INTS9: variants seen among roughly 807,000 people sequenced by gnomAD.
INTS9 encodes the protein integrator complex subunit 9.
In INTS9, 55 loss-of-function variants were observed where a neutral mutation model predicts 79.7. That is an observed-to-expected ratio of 0.69 (90% CI 0.56 to 0.86). The LOEUF is 0.86. INTS9 is among the 40% of genes least tolerant of loss of function. The probability of loss-of-function intolerance (pLI) is 0.00; values close to 1 mark genes in which losing one functional copy is unlikely to be tolerated. For missense variants in INTS9, 721 were observed against 831.5 expected (o/e 0.87, Z 1.64); for synonymous variants, 319 against 325.2 (o/e 0.98, Z 0.20).
intron 1 of INTS9, among the ~76,000 whole-genome samples, chr8:28,878,526 T>C (rs1809514285): frequency 6.6e-6 from 1 of 151,624 alleles, no homozygotes; most frequent in African/African-American, 2.4e-5. Context: ...CTGACTGTGT[T>C]GCCCAGGCTG....
intron 10 of INTS9, among the ~76,000 whole-genome samples, chr8:28,792,998 C>T (rs940936870): frequency 8.6e-5 from 13 of 150,792 alleles, no homozygotes; most frequent in Admixed American, 2.6e-4. Flanking sequence ...GGGAAAAAAA[C>T]GACCACAGAA....
chr8:28,827,251 A>T (rs1171154466), intron 6 of INTS9, among the ~76,000 whole-genome samples: 1 of 152,208 alleles, frequency 6.6e-6, no homozygotes, highest in African/African-American at 2.4e-5. Flanking sequence ...CTTTGTTCTT[A>T]CCACACTTGA....
chr8:28,780,891 C>T lies in INTS9; in HGVS notation c.1202G>A (p.Arg401His), dbSNP rs756371472. Residue 401 changes from arginine (R) to histidine (H), a missense_variant, in exon 12 of 17, where the codon CGC becomes CAC. By Grantham distance (29) the Arg-to-His change is conservative. Around this residue, in one of 3 missense-constraint regions of INTS9, gnomAD observed 149 missense variants for 223.7 expected, o/e 0.67. Coordinates refer to ENST00000521022, the MANE Select transcript of INTS9 (RefSeq NM_018250.4). ...CVVFTGHPSL[R>H]FGDVVHFMEL... Reference sequence around the variant, plus strand: ...CATGAAGTGGACCACGTCCCCGAAGCGGAGGGAAGGGTGCCCGGTGAACAC... The same window carrying T: ...CATGAAGTGGACCACGTCCCCGAAGTGGAGGGAAGGGTGCCCGGTGAACAC... 15 of 1,613,990 alleles carry T rather than the reference C, an allele frequency of 9.3e-6. No homozygotes were observed. The highest frequency in any genetic ancestry group is 8.3e-5 in the Admixed American group (5 of 59,998).
At chr8:28,775,613 A>G in intron 14 of INTS9, 146 bp downstream of exon 14, 1 of 882,686 alleles carries the variant, frequency 1.1e-6, no homozygotes, top group Admixed American at 2.7e-5. Context: ...TGGCCGCCCA[A>G]AGTGCTGGGA....
intron 6 of INTS9, among the ~76,000 whole-genome samples, chr8:28,814,292 A>T (rs1280902964): frequency 1.5e-3 from 95 of 63,818 alleles, no homozygotes; most frequent in African/African-American, 3.8e-3. Flanking sequence ...TCTCACACAC[A>T]CACACACACA....
intron 6 of INTS9, among the ~76,000 whole-genome samples, chr8:28,825,427 C>T (rs1806090502): frequency 6.6e-6 from 1 of 152,208 alleles, no homozygotes; most frequent in African/African-American, 2.4e-5. Context: ...GAAAGTCACA[C>T]ACAAGGCCAG....
chr8:28,881,872 A>T (rs1809852018), intron 1 of INTS9, among the ~76,000 whole-genome samples: 1 of 142,612 alleles, frequency 7.0e-6, no homozygotes, highest in East Asian at 2.2e-4. Flanking sequence ...CCCATCCGGG[A>T]GGTGAGGGGC....
chr8:28,872,596 G>C (rs1440982159), intron 1 of INTS9, among the ~76,000 whole-genome samples: 1 of 151,984 alleles, frequency 6.6e-6, no homozygotes, highest in African/African-American at 2.4e-5. Flanking sequence ...GTGTCAAAGG[G>C]AGAGGACATG....
chr8:28,888,613 G>C (rs983034930), intron 1 of INTS9, among the ~76,000 whole-genome samples: 2 of 152,206 alleles, frequency 1.3e-5, no homozygotes, highest in Non-Finnish European at 2.9e-5. Flanking sequence ...GCATGCTTCT[G>C]TAGGGCAACG....
intron 1 of INTS9, among the ~76,000 whole-genome samples, chr8:28,872,701 A>T (rs1809161926): frequency 6.6e-6 from 1 of 152,158 alleles, no homozygotes; most frequent in Admixed American, 6.5e-5. Flanking sequence ...GAAGTCATGG[A>T]TTACAGATGG....
chr8:28,813,347 C>G, intron 7 of INTS9, 145 bp downstream of exon 7: 2 of 788,962 alleles, frequency 2.5e-6, no homozygotes, highest in Non-Finnish European at 4.2e-6. Flanking sequence ...TAAAATCCTG[C>G]GCGGAACGGA....
At chr8:28,805,565 C>T (rs1182709121) in intron 8 of INTS9, among the ~76,000 whole-genome samples, 1 of 152,038 alleles carries the variant, frequency 6.6e-6, no homozygotes, top group Non-Finnish European at 1.5e-5. Flanking sequence ...ATATTCACCA[C>T]CGTATTATGT....
At chr8:28,850,066 C>T in intron 3 of INTS9, 147 bp downstream of exon 3, 1 of 537,126 alleles carries the variant, frequency 1.9e-6, no homozygotes, top group Non-Finnish European at 3.3e-6. Flanking sequence ...TTACCATGTT[C>T]TGAAGACCCT....
intron 10 of INTS9, among the ~76,000 whole-genome samples, chr8:28,792,041 T>C (rs1803946519): frequency 6.6e-6 from 1 of 152,232 alleles, no homozygotes; most frequent in African/African-American, 2.4e-5. Flanking sequence ...AAATGTACTT[T>C]ACCACAGAGT....
chr8:28,794,010 A>G, intron 9 of INTS9, 23 bp from the exon 10 acceptor site: 1 of 1,508,240 alleles, frequency 6.6e-7, no homozygotes, highest in Admixed American at 2.1e-5. Flanking sequence ...ATGCCAGAGG[A>G]GAAAAAACAT....
At chr8:28,836,479 G>T (rs1351523648) in intron 5 of INTS9, among the ~76,000 whole-genome samples, 1 of 152,106 alleles carries the variant, frequency 6.6e-6, no homozygotes, top group Admixed American at 6.5e-5. Context: ...TATACATACT[G>T]GTAAGCCATT....
intron 1 of INTS9, among the ~76,000 whole-genome samples, chr8:28,867,766 G>A (rs1808843621): frequency 6.7e-6 from 1 of 149,220 alleles, no homozygotes; most frequent in Non-Finnish European, 1.5e-5. Flanking sequence ...CATCATCTAT[G>A]TTCTTTTCTC....
intron 6 of INTS9, among the ~76,000 whole-genome samples, chr8:28,816,176 A>C (rs1447166827): frequency 6.6e-6 from 1 of 151,138 alleles, no homozygotes; most frequent in African/African-American, 2.4e-5. Context: ...ATTATACTTT[A>C]AGTTTTAGGG....
At chr8:28,809,452 T>C (rs146469011) in intron 8 of INTS9, among the ~76,000 whole-genome samples, 2 of 152,318 alleles carry the variant, frequency 1.3e-5, no homozygotes, top group African/African-American at 2.4e-5. Flanking sequence ...CACAATCCAA[T>C]TACGTGGGTA....
Sources: allele counts gnomAD v4.1 joint callset (sites outside exome capture counted in the v4.1 genomes callset), GRCh38; gene constraint gnomAD v4.1.1; regional missense constraint gnomAD v4.1.1; transcripts MANE v1.5; gene names NCBI Gene and HGNC (gene_info 2026-07-23, HGNC 2026-07-21).